Variants in BTN3A3 observed in about 807,000 individuals in gnomAD.
The protein encoded by BTN3A3 is butyrophilin subfamily 3 member A3.
Under a neutral mutation model 43.2 loss-of-function variants are expected in BTN3A3, and 39 were observed. That is an observed-to-expected ratio of 0.90 (90% CI 0.70 to 1.18). The LOEUF is 1.18. Among genes scored for constraint, BTN3A3 ranks in the 50% most tolerant of loss-of-function variants. The probability of loss-of-function intolerance (pLI) is 0.00; values close to 1 mark genes in which losing one functional copy is unlikely to be tolerated. For missense variants in BTN3A3, 631 were observed against 722.8 expected, an observed-to-expected ratio of 0.87 and a Z score of 1.46; for synonymous variants, 255 against 272.7, an observed-to-expected ratio of 0.93 and a Z score of 0.64.
chr6:26,448,754 C>G lies in BTN3A3; in HGVS notation c.964C>G (p.Arg322Gly). ...LKWRKIQYMA[R>G]GEKSLAYHEW... ...GTGGAGGAAAATCCAGTACATGGCT[C>G]GTGAGTGACTCTGACATTTTCTCTG... Residue 322 changes from arginine to glycine, a missense_variant and splice_region_variant, in exon 8 of 11, where the codon CGT becomes GGT. Arg to Gly is a moderately radical substitution (Grantham distance 125, BLOSUM62 -2). Transcript: ENST00000244519. 6.2e-7 allele frequency: 1 copy of G among 1,613,768 alleles called. No individual in the cohort carries two copies.
rs1762975249 is a variant in BTN3A3, at chr6:26,453,346, A to T, written c.*935A>T. The T allele has an allele frequency of 6.6e-6, 1 of 152,038 alleles. No homozygotes were observed. Among genetic ancestry groups the T allele is most frequent in the Non-Finnish European group, 1.5e-5 (1 of 68,014 alleles). 9.4% of individuals were successfully genotyped at this position (152,038 alleles called of 1,614,324 possible). A position where few individuals can be genotyped will look rare whatever the true frequency, so the allele number is the denominator to read the frequency against. On this transcript the variant is annotated 3_prime_UTR_variant, in exon 11 of 11. Transcript: ENST00000244519. Reference sequence around the variant, plus strand: ...ATTATCATCACTATTATTGCTCACCACTGTATCCCCTCTACTTGGCAAGTG... The same window carrying T: ...ATTATCATCACTATTATTGCTCACCTCTGTATCCCCTCTACTTGGCAAGTG...
rs775043245 is a variant in BTN3A3, at chr6:26,452,194, C to T, written c.1538C>T (p.Pro513Leu). ...TLEPTALTICPIPKEVESSPD... is the reference protein window; with the variant it reads ...TLEPTALTICLIPKEVESSPD... ...GAGCCCACTGCCCTGACCATTTGCCCAATACCAAAAGAAGTAGAGAGTTCC... is the reference window on the plus strand; with the variant it reads ...GAGCCCACTGCCCTGACCATTTGCCTAATACCAAAAGAAGTAGAGAGTTCC... Residue 513 changes from proline (P) to leucine (L), a missense_variant, in exon 11 of 11, where the codon CCA becomes CTA. Physicochemically the swap from Pro to Leu is moderately conservative, Grantham distance 98. Transcript: ENST00000244519. 8.7e-6 allele frequency: 14 copies of T among 1,614,110 alleles called. No individual in the cohort carries two copies. The Middle Eastern group carries it at 4.9e-4, about 57-fold the overall frequency.
At chr6:26,447,814 A>G (rs1762820393) in intron 5 of BTN3A3, among the ~76,000 whole-genome samples, 1 of 152,128 alleles carries the variant, frequency 6.6e-6, no homozygotes, top group Admixed American at 6.5e-5. Flanking sequence ...CCAGCATTTA[A>G]ACCCTTGCCC....
Position 26,448,244 on chromosome 6 carries a change from G to C in BTN3A3, c.716-4G>C. 8 of 1,612,836 alleles carry C rather than the reference G, an allele frequency of 5.0e-6. No homozygotes were observed. Among genetic ancestry groups the C allele is most frequent in the Non-Finnish European group, 6.8e-6 (8 of 1,179,764 alleles). ...CCCATGACCCACAGCTCTCCCCTTC[G>C]CAGACCCCTTCTTCAGGAGCGCCCA... On this transcript the variant is annotated splice_region_variant and splice_polypyrimidine_tract_variant and intron_variant, in intron 5 of 10. Coordinates refer to ENST00000244519, the MANE Select transcript of BTN3A3 (RefSeq NM_006994.5).
At position 26,452,617 on chromosome 6, in the gene BTN3A3, T is replaced by A; in HGVS notation, c.*206T>A. On this transcript the variant is annotated 3_prime_UTR_variant, in exon 11 of 11. Coordinates refer to ENST00000244519, the MANE Select transcript of BTN3A3 (RefSeq NM_006994.5). The stretch of plus-strand genomic sequence containing the variant: ...ATGTTCTTAGTGCTGTGTTATAAGC[T>A]TTGGTGGATGTCACTCCTTTAATCC... 1 of 554,274 alleles carries A rather than the reference T, an allele frequency of 1.8e-6. No individual in the cohort carries two copies. Among genetic ancestry groups the A allele is most frequent in the South Asian group, 2.6e-5 (1 of 39,182 alleles). 34.3% of individuals were successfully genotyped at this position (554,274 alleles called of 1,614,324 possible).
chr6:26,451,255 C>T (rs912725578), intron 10 of BTN3A3, among the ~76,000 whole-genome samples: 2 of 152,136 alleles, frequency 1.3e-5, no homozygotes, highest in Non-Finnish European at 2.9e-5. Flanking sequence ...TCAGATGAGG[C>T]TCCACCTTGT....
intron 4 of BTN3A3, chr6:26,445,448 C>G (rs1762749847): frequency 2.0e-6 from 1 of 493,314 alleles, no homozygotes; most frequent in Non-Finnish European, 3.6e-6. Flanking sequence ...ATGCATCAAT[C>G]TTTTTATGTC....
Position 26,444,264 on chromosome 6 carries a change from T to C in BTN3A3, c.393T>C (p.Gly131=). 3 of 1,612,050 alleles carry C rather than the reference T, an allele frequency of 1.9e-6. No homozygotes were observed. The highest frequency in any genetic ancestry group is 2.5e-6 in the Non-Finnish European group (3 of 1,179,862). ...SGKYLCYFQD[G]DFYEKALVEL... ...AGTACTTGTGTTATTTCCAAGATGGTGACTTCTACGAAAAAGCCCTGGTGG... is the reference window on the plus strand; with the variant it reads ...AGTACTTGTGTTATTTCCAAGATGGCGACTTCTACGAAAAAGCCCTGGTGG... Residue 131 remains glycine (G), a synonymous_variant, in exon 4 of 11, where the codon GGT becomes GGC. Transcript: ENST00000244519.
At chr6:26,450,704 G>T (rs978783155) in intron 10 of BTN3A3, among the ~76,000 whole-genome samples, 1 of 152,172 alleles carries the variant, frequency 6.6e-6, no homozygotes, top group Non-Finnish European at 1.5e-5. Context: ...GGAAAGGAGG[G>T]ATAAGGGTAA....
At chr6:26,450,869 G>C (rs553210708) in intron 10 of BTN3A3, among the ~76,000 whole-genome samples, 48 of 152,302 alleles carry the variant, frequency 3.2e-4, no homozygotes, top group African/African-American at 1.1e-3. Flanking sequence ...GTCAGGCCTT[G>C]TTAGAGTAGC....
At chr6:26,440,813 T>TGTGCGC (rs1762608191) in intron 1 of BTN3A3, 165 bp downstream of exon 1, 1 of 130,578 alleles carries the variant, frequency 7.7e-6, no homozygotes, top group Non-Finnish European at 1.7e-5. Flanking sequence ...TGTGTGTGTG[T>TGTGCGC]GTGCGTGTGT....
chr6:26,451,994 T>C lies in BTN3A3; in HGVS notation c.1338T>C (p.Thr446=), dbSNP rs759710322. The change falls in exon 11 of 11, where the codon ACT becomes ACC. Residue 446 remains threonine, a synonymous_variant. Coordinates refer to ENST00000244519, the MANE Select transcript of BTN3A3 (RefSeq NM_006994.5). ...ATGGGAATAAGTATCGGGCTCTCAC[T>C]GAGCCCAGAACCAACCTGAAACTTC... ...LTDGNKYRAL[T]EPRTNLKLPE... is the part of the protein sequence containing the mutation. The C allele has an allele frequency of 6.2e-7, 1 of 1,614,158 alleles. No individual in the cohort carries two copies. The highest frequency in any genetic ancestry group is 8.5e-7 in the Non-Finnish European group (1 of 1,180,002).
At position 26,445,703 on chromosome 6, in the gene BTN3A3, G is replaced by T; in HGVS notation, c.434-1G>T. 2 of 1,613,260 alleles carry T rather than the reference G, an allele frequency of 1.2e-6. No homozygotes were observed. The highest frequency in any genetic ancestry group is 1.7e-6 in the Non-Finnish European group (2 of 1,179,296). On this transcript the variant is annotated splice_acceptor_variant, in intron 4 of 10. Coordinates refer to ENST00000244519, the MANE Select transcript of BTN3A3 (RefSeq NM_006994.5). LOFTEE classifies it high-confidence loss of function. ...ATTTAGGGCAATTTATCCTTCTACA[G>T]CATTGGGTTCTGATCTTCACATTGA...
chr6:26,450,195 C>T, intron 10 of BTN3A3, 62 bp downstream of exon 10: 1 of 1,564,438 alleles, frequency 6.4e-7, no homozygotes, highest in Non-Finnish European at 8.8e-7. Flanking sequence ...CCTTTCTCCT[C>T]CTCCAACTCT....
chr6:26,446,863 G>A (rs547346751), intron 5 of BTN3A3, among the ~76,000 whole-genome samples: 1 of 152,122 alleles, frequency 6.6e-6, no homozygotes, highest in Admixed American at 6.5e-5. Flanking sequence ...CCAGTAGCTG[G>A]GATTACAAGC....
chr6:26,447,917 A>G (rs1352012360), intron 5 of BTN3A3, among the ~76,000 whole-genome samples: 1 of 152,192 alleles, frequency 6.6e-6, no homozygotes, highest in Admixed American at 6.5e-5. Flanking sequence ...TAGATGGGAG[A>G]GTTGCATAAC....
In BTN3A3 at chr6:26,445,376, A is replaced by G. The variant is rs540870061; in HGVS notation, c.434-328A>G. ...TATTCCCTGGCTTCCTTCCTGCAAG[A>G]TTCCCTCAGGCTGGCTGCATTGCCT... On this transcript the variant is annotated intron_variant, in intron 4 of 10. Transcript: ENST00000244519. 8.8e-5 allele frequency: 26 copies of G among 296,432 alleles called. 1 individual carries two copies. Among genetic ancestry groups the G allele is most frequent in the Admixed American group, 1.4e-4 (3 of 21,798 alleles). The allele number at this position is 296,432 out of a possible 1,614,324, so 18.4% of individuals were successfully genotyped here.
rs1561861562 is a variant in BTN3A3 at position 26,445,750 on chromosome 6, A to G, written c.480A>G (p.Gly160=). The G allele has an allele frequency of 6.2e-7, 1 of 1,614,160 alleles. No homozygotes were observed. Among genetic ancestry groups the G allele is most frequent in the Non-Finnish European group, 8.5e-7 (1 of 1,180,022 alleles). The change falls in exon 5 of 11, where the codon GGA becomes GGG. Residue 160 remains glycine (G), a synonymous_variant. Coordinates refer to ENST00000244519, the MANE Select transcript of BTN3A3 (RefSeq NM_006994.5). ...TTGAAGTGAAGGGTTATGAGGATGGAGGGATCCATCTGGAGTGCAGGTCCA... is the reference window on the plus strand; with the variant it reads ...TTGAAGTGAAGGGTTATGAGGATGGGGGGATCCATCTGGAGTGCAGGTCCA... ...LHIEVKGYED[G]GIHLECRSTG...
chr6:26,441,208 T>C (rs1054808881), intron 1 of BTN3A3, among the ~76,000 whole-genome samples: 13 of 152,220 alleles, frequency 8.5e-5, no homozygotes, highest in African/African-American at 2.7e-4. Flanking sequence ...CTTTTAGGCA[T>C]CATGTTTTTA....
Sources: allele counts gnomAD v4.1 joint callset (sites outside exome capture counted in the v4.1 genomes callset), GRCh38; gene constraint gnomAD v4.1.1; transcripts MANE v1.5; gene names NCBI Gene and HGNC (gene_info 2026-07-23, HGNC 2026-07-21).